The following LYPLA1 variants were observed in gnomAD, a reference collection of about 807,000 sequenced individuals.
LYPLA1 encodes acyl-protein thioesterase 1.
A neutral mutation model predicts 34.0 loss-of-function variants in LYPLA1; 17 were observed. The observed-to-expected ratio is 0.50, with a 90% CI of 0.34 to 0.75. The LOEUF (loss-of-function observed/expected upper bound fraction) is 0.75, where lower values mean the gene tolerates loss of function less well. Ranked by LOEUF, LYPLA1 falls within the 30% of genes least tolerant of loss-of-function variation. The probability of loss-of-function intolerance (pLI) is 0.01; values close to 1 mark genes in which losing one functional copy is unlikely to be tolerated. For synonymous variants in LYPLA1, 98 were observed against 100.8 expected, an observed-to-expected ratio of 0.97 and a Z score of 0.17; for missense variants, 203 against 288.8, an observed-to-expected ratio of 0.70 and a Z score of 2.15.
At chr8:54,079,491 T>C (rs1808151919) in intron 2 of LYPLA1, among the ~76,000 whole-genome samples, 1 of 152,010 alleles carries the variant, frequency 6.6e-6, no homozygotes, top group Non-Finnish European at 1.5e-5. Flanking sequence ...CCAGCAAAGG[T>C]ATCCAAGCAG....
intron 5 of LYPLA1, among the ~76,000 whole-genome samples, chr8:54,059,173 T>A (rs1806421384): frequency 6.6e-6 from 1 of 152,246 alleles, no homozygotes; most frequent in Non-Finnish European, 1.5e-5. Context: ...TTTTGTCATC[T>A]ATTATTTTCA....
intron 5 of LYPLA1, among the ~76,000 whole-genome samples, chr8:54,059,699 T>A (rs1028471067): frequency 6.6e-6 from 1 of 152,170 alleles, no homozygotes; most frequent in Non-Finnish European, 1.5e-5. Flanking sequence ...TTGGGGAGGA[T>A]CACCTGAGGG....
In LYPLA1 at chr8:54,047,456, T is replaced by A. The variant is rs1369907968; in HGVS notation, c.*609A>T. 6.6e-6 allele frequency: 1 copy of A among 151,638 alleles called. No homozygotes were observed. The highest frequency in any genetic ancestry group is 2.4e-5 in the African/African-American group (1 of 41,296). 9.4% of individuals were successfully genotyped at this position (151,638 alleles called of 1,614,324 possible). ...TAAATAGAAATAATATCAGGGAAAA[T>A]AAAAGCCTGGTCCCAAAATAAAAGG... On this transcript the variant is annotated 3_prime_UTR_variant, in exon 9 of 9. Coordinates refer to ENST00000316963, the MANE Select transcript of LYPLA1 (RefSeq NM_006330.4).
At chr8:54,045,301 C>A (rs1261401837), downstream of LYPLA1, among the ~76,000 whole-genome samples, 1 of 152,114 alleles carries the variant, frequency 6.6e-6, no homozygotes, top group Non-Finnish European at 1.5e-5. Context: ...TTTCAAAATG[C>A]AGCAGTAAGA....
chr8:54,086,944 C>T (rs1808838203), intron 2 of LYPLA1, among the ~76,000 whole-genome samples: 3 of 152,132 alleles, frequency 2.0e-5, no homozygotes, highest in Admixed American at 2.0e-4. Flanking sequence ...GGATTATACA[C>T]CATGACCAGG....
chr8:54,090,125 C>A (rs867565784), intron 2 of LYPLA1, among the ~76,000 whole-genome samples: 1 of 152,192 alleles, frequency 6.6e-6, no homozygotes, highest in Non-Finnish European at 1.5e-5. Context: ...GAACAGAATG[C>A]GACCCTTGTG....
intron 5 of LYPLA1, among the ~76,000 whole-genome samples, chr8:54,056,877 C>G (rs960700834): frequency 5.3e-5 from 8 of 152,104 alleles, no homozygotes; most frequent in African/African-American, 2.4e-5. Context: ...TGCACCACTG[C>G]ACCCCAGCCT....
intron 2 of LYPLA1, among the ~76,000 whole-genome samples, chr8:54,089,226 G>C (rs955511051): frequency 6.6e-6 from 1 of 152,096 alleles, no homozygotes; most frequent in Non-Finnish European, 1.5e-5. Context: ...ATCTCTATAA[G>C]TACAGTAGTT....
chr8:54,097,672 G>A (rs917625672), intron 2 of LYPLA1, among the ~76,000 whole-genome samples: 5 of 152,110 alleles, frequency 3.3e-5, no homozygotes, highest in African/African-American at 1.2e-4. Flanking sequence ...ACTGTGGTTC[G>A]AAAATATTAC....
chr8:54,061,950 G>A (rs944011208), intron 5 of LYPLA1, among the ~76,000 whole-genome samples: 1 of 152,188 alleles, frequency 6.6e-6, no homozygotes, highest in Admixed American at 6.5e-5. Context: ...CCACCTCCCA[G>A]GTTCAAGCAA....
intron 2 of LYPLA1, among the ~76,000 whole-genome samples, chr8:54,084,237 G>GA (rs1288777476): frequency 3.4e-5 from 5 of 148,414 alleles, no homozygotes; most frequent in African/African-American, 1.3e-4. Context: ...TTTATCCACA[G>GA]TAAACAGAAA....
At chr8:54,051,917 C>A (rs997196118) in intron 7 of LYPLA1, among the ~76,000 whole-genome samples, 1 of 150,704 alleles carries the variant, frequency 6.6e-6, no homozygotes, top group East Asian at 1.9e-4. Flanking sequence ...GTGGCACAAT[C>A]GTGGCTCACT....
At chr8:54,067,160 C>T (rs1807123851) in intron 2 of LYPLA1, among the ~76,000 whole-genome samples, 1 of 152,114 alleles carries the variant, frequency 6.6e-6, no homozygotes, top group Admixed American at 6.6e-5. Flanking sequence ...CAGAGTGAGA[C>T]TCCATCTCAA....
Position 54,072,483 on chromosome 8 carries a change from G to A in LYPLA1, c.102-6670C>T, listed in dbSNP as rs532133017. The stretch of plus-strand genomic sequence containing the variant: ...ATGGAAGAAAATATATGCAAACTGC[G>A]CACCCAACAAAGGTCTAATATCCAG... On this transcript the variant is annotated intron_variant, in intron 2 of 8. Coordinates refer to ENST00000316963, the MANE Select transcript of LYPLA1 (RefSeq NM_006330.4). Among the ~76,000 whole-genome samples, 126 of 152,116 alleles carry A rather than the reference G, an allele frequency of 8.3e-4. 2 individuals are homozygous for A. In the South Asian group the frequency reaches 0.021, roughly 25 times the overall value.
rs1360824421 is a variant in LYPLA1, at chr8:54,065,772, T to C, written c.143A>G (p.His48Arg). The C allele has an allele frequency of 1.2e-6, 2 of 1,613,986 alleles. No individual in the cohort carries two copies. The highest frequency in any genetic ancestry group is 4.5e-5 in the East Asian group (2 of 44,870). Reference protein sequence around the residue: ...AEAFAGIRSSHIKYICPHAPV... With the variant: ...AEAFAGIRSSRIKYICPHAPV... ...CGCATGCGGGCAGATATATTTGATATGTGAACTTCTGATACCTGCAAAGGC... is the reference window on the plus strand; with the variant it reads ...CGCATGCGGGCAGATATATTTGATACGTGAACTTCTGATACCTGCAAAGGC... The change falls in exon 3 of 9, where the codon CAT (histidine) becomes CGT (arginine). Residue 48 changes from histidine to arginine, a missense_variant. Coordinates refer to ENST00000316963, the MANE Select transcript of LYPLA1 (RefSeq NM_006330.4).
At position 54,047,031 on chromosome 8, in the gene LYPLA1, A is replaced by G. The variant is rs1246265078; in HGVS notation, c.*1034T>C. ...TTCAAACGTGTACAAAGTAAACTCT[A>G]TACTATGAGAAGATGAAATCATCTT... On this transcript the variant is annotated 3_prime_UTR_variant, in exon 9 of 9. Transcript: ENST00000316963. 6.6e-6 allele frequency: 1 copy of G among 152,178 alleles called. No homozygotes were observed. The highest frequency in any genetic ancestry group is 1.5e-5 in the Non-Finnish European group (1 of 67,978). 9.4% of individuals were successfully genotyped at this position (152,178 alleles called of 1,614,324 possible).
chr8:54,101,145 T>TG (rs35405582), intron 1 of LYPLA1, among the ~76,000 whole-genome samples: 14,580 of 133,988 alleles, frequency 0.11, 1,084 homozygotes, highest in African/African-American at 0.23. Context: ...AGATAATGAA[T>TG]GGGGGGGGGG....
rs559601810 is a variant in LYPLA1, at chr8:54,097,385, G to A, written c.101+3523C>T. The stretch of plus-strand genomic sequence containing the variant: ...TGTTCTCTGCAGAAGTGTCAATGTC[G>A]TGAAAGACAAAAGAAAATCTAGGGA... On this transcript the variant is annotated intron_variant, in intron 2 of 8. Transcript: ENST00000316963. 5.3e-5 allele frequency among the ~76,000 whole-genome samples: 8 copies of A among 152,210 alleles called. No homozygotes were observed. The South Asian group carries it at 1.5e-3, about 28-fold the overall frequency.
chr8:54,085,819 A>C (rs1808707942), intron 2 of LYPLA1, among the ~76,000 whole-genome samples: 1 of 123,284 alleles, frequency 8.1e-6, no homozygotes, highest in Non-Finnish European at 1.7e-5. Context: ...GGGGGGGGGC[A>C]GCCCCCGGCC....
Sources: allele counts gnomAD v4.1 joint callset (sites outside exome capture counted in the v4.1 genomes callset), GRCh38; gene constraint gnomAD v4.1.1; transcripts MANE v1.5; gene names NCBI Gene and HGNC (gene_info 2026-07-23, HGNC 2026-07-21).